NUP98: variants seen among roughly 807,000 people sequenced by gnomAD.
The protein encoded by NUP98 is nucleoporin 98 and 96 precursor.
Under a neutral mutation model 191.9 loss-of-function variants are expected in NUP98, and 26 were observed. That is an observed-to-expected ratio of 0.14 (90% CI 0.10 to 0.19). NUP98 has a LOEUF of 0.19. NUP98 is among the 10% of genes least tolerant of loss of function. The probability of loss-of-function intolerance (pLI) is 1.00; values close to 1 mark genes in which losing one functional copy is unlikely to be tolerated. For missense variants in NUP98, 1,941 were observed against 2,178.8 expected (o/e 0.89, Z 2.17); for synonymous variants, 808 against 778.4 (o/e 1.04, Z -0.63).
At chr11:3,743,297 G>A (rs568088398) in intron 12 of NUP98, among the ~76,000 whole-genome samples, 1 of 150,888 alleles carries the variant, frequency 6.6e-6, no homozygotes, top group Admixed American at 6.6e-5. Context: ...GATTATAGGC[G>A]TGGGCCACCA....
intron 4 of NUP98, among the ~76,000 whole-genome samples, chr11:3,777,492 G>T (rs1437623982): frequency 6.6e-6 from 1 of 151,832 alleles, no homozygotes; most frequent in Non-Finnish European, 1.5e-5. Context: ...GTGATGGCGG[G>T]CGCCTGTAGG....
intron 9 of NUP98, among the ~76,000 whole-genome samples, chr11:3,761,694 G>T (rs1325284932): frequency 1.3e-5 from 2 of 152,170 alleles, no homozygotes; most frequent in East Asian, 3.9e-4. Flanking sequence ...GGAGGCAGAG[G>T]TTGCAGTGAG....
chr11:3,745,732 C>A (rs561115239), intron 11 of NUP98, among the ~76,000 whole-genome samples: 22 of 152,214 alleles, frequency 1.4e-4, no homozygotes, highest in Non-Finnish European at 2.6e-4. Flanking sequence ...GAACTACAGG[C>A]ATGCATCACC....
chr11:3,760,496 G>C, intron 10 of NUP98, 43 bp downstream of exon 10: 1 of 1,614,036 alleles, frequency 6.2e-7, no homozygotes, highest in Non-Finnish European at 8.5e-7. Flanking sequence ...ACCAAAATTA[G>C]AAGTGTTTGT....
Position 3,713,979 on chromosome 11 carries a change from A to G in NUP98, c.2416T>C (p.Leu806=). Reference sequence around the variant, plus strand: ...TTATCTGTTGGCCAAACTCCATCCAATGTAACTTCAGCCTTCCTGTAAAAC... The same window carrying G: ...TTATCTGTTGGCCAAACTCCATCCAGTGTAACTTCAGCCTTCCTGTAAAAC... The part of the protein sequence containing the change: ...EGLNRKAEVT[L]DGVWPTDKTS... Residue 806 remains leucine, a synonymous_variant, in exon 19 of 33, where the codon TTG becomes CTG. Transcript: ENST00000324932. 6.2e-7 allele frequency: 1 copy of G among 1,614,012 alleles called. No homozygotes were observed. Among genetic ancestry groups the G allele is most frequent in the Non-Finnish European group, 8.5e-7 (1 of 1,179,984 alleles).
chr11:3,735,911 T>A (rs2080037183), intron 12 of NUP98, among the ~76,000 whole-genome samples: 1 of 81,190 alleles, frequency 1.2e-5, no homozygotes. Context: ...ACAAGTACTG[T>A]GTGTTTGTGC....
intron 12 of NUP98, among the ~76,000 whole-genome samples, chr11:3,737,714 A>C (rs1167857228): frequency 6.6e-6 from 1 of 152,186 alleles, no homozygotes; most frequent in Non-Finnish European, 1.5e-5. Context: ...AAATCGATGT[A>C]TTCAATAAAT....
chr11:3,789,716 C>G (rs1048506424), intron 1 of NUP98, among the ~76,000 whole-genome samples: 3 of 151,960 alleles, frequency 2.0e-5, no homozygotes, highest in African/African-American at 7.2e-5. Flanking sequence ...AGCCATCTTC[C>G]TGCTTTGGCC....
At chr11:3,734,522 T>C (rs964510507) in intron 13 of NUP98, among the ~76,000 whole-genome samples, 7 of 152,182 alleles carry the variant, frequency 4.6e-5, no homozygotes, top group African/African-American at 9.7e-5. Context: ...GAAACAAATT[T>C]AGGGAGGCAA....
intron 12 of NUP98, among the ~76,000 whole-genome samples, chr11:3,743,898 C>CA (rs1244362189): frequency 5.8e-4 from 82 of 142,328 alleles, no homozygotes; most frequent in South Asian, 4.5e-3. Context: ...CTCAAGATAC[C>CA]AAAAAAAAAA....
intron 30 of NUP98, 123 bp from the exon 31 acceptor site, chr11:3,679,831 G>A (rs1483519761): frequency 5.0e-6 from 4 of 807,178 alleles, no homozygotes; most frequent in Non-Finnish European, 7.7e-6. Context: ...AGAAGTAAAA[G>A]CACATACAGG....
At position 3,676,329 on chromosome 11, in the gene NUP98, G is replaced by A; in HGVS notation, c.5233C>T (p.His1745Tyr). 6.2e-7 allele frequency: 1 copy of A among 1,614,066 alleles called. No homozygotes were observed. Among genetic ancestry groups the A allele is most frequent in the Admixed American group, 1.7e-5 (1 of 60,022 alleles). Residue 1745 changes from histidine (H) to tyrosine (Y), a missense_variant, in exon 33 of 33, where the codon CAT (histidine) becomes TAT (tyrosine). By Grantham distance (83) the His-to-Tyr change is moderately conservative (BLOSUM62 2). Around this residue, in one of 6 missense-constraint regions of NUP98, gnomAD observed 1,030 missense variants for 1,115.8 expected, o/e 0.92. Coordinates refer to ENST00000324932, the MANE Select transcript of NUP98 (RefSeq NM_016320.5). ...ANLLRVVLSL[H>Y]HPPDRTSDST... ...TCGGAGGTTCTATCAGGAGGATGAT[G>A]CAGACTCAGCACCACGCGCAGCAGG...
chr11:3,715,818 T>C (rs951869373), intron 18 of NUP98, among the ~76,000 whole-genome samples: 22 of 151,918 alleles, frequency 1.4e-4, no homozygotes, highest in Non-Finnish European at 3.1e-4. Flanking sequence ...AGGGTCTTCC[T>C]ATTTTCTTGA....
intron 11 of NUP98, among the ~76,000 whole-genome samples, chr11:3,748,088 T>C (rs777806823): frequency 7.2e-5 from 11 of 152,198 alleles, no homozygotes; most frequent in East Asian, 1.9e-4. Context: ...AGTTTGTTTA[T>C]TGTGAGAGAG....
intron 2 of NUP98, 78 bp from the exon 3 acceptor site, chr11:3,779,335 A>G (rs527481163): frequency 1.7e-6 from 2 of 1,194,440 alleles, no homozygotes; most frequent in Non-Finnish European, 2.5e-6. Context: ...AGGCATTTTA[A>G]TATTTCTTAA....
Position 3,721,373 on chromosome 11 carries a change from T to C in NUP98, c.2147-548A>G, listed in dbSNP as rs558374681. ...GCATAAACCTCTTTTATTTTTCAAA[T>C]TTACACTCCCAAATAAAGAGCTAAA... is the stretch of plus-strand genomic sequence containing the variant. On this transcript the variant is annotated intron_variant, in intron 16 of 32. Coordinates refer to ENST00000324932, the MANE Select transcript of NUP98 (RefSeq NM_016320.5). Among the ~76,000 whole-genome samples the C allele has an allele frequency of 2.4e-4, 37 of 152,230 alleles. No homozygotes were observed. In the South Asian group the frequency reaches 6.8e-3, roughly 28 times the overall value.
rs1169695378 is a variant in NUP98 at position 3,797,410 on chromosome 11, T to G, written c.-39A>C. On this transcript the variant is annotated 5_prime_UTR_variant, in exon 1 of 33. Coordinates refer to ENST00000324932, the MANE Select transcript of NUP98 (RefSeq NM_016320.5). Reference sequence around the variant, plus strand: ...GGGCTCCCGACTTACCGCGGTTCGGTGGGGAAGGGGAAGTGTCAGGAGTCC... The same window carrying G: ...GGGCTCCCGACTTACCGCGGTTCGGGGGGGAAGGGGAAGTGTCAGGAGTCC... 7.5e-6 allele frequency: 3 copies of G among 402,444 alleles called. No individual in the cohort carries two copies. In the East Asian group the frequency reaches 1.1e-4, roughly 14 times the overall value. 24.9% of individuals were successfully genotyped at this position (402,444 alleles called of 1,614,324 possible).
intron 1 of NUP98, among the ~76,000 whole-genome samples, chr11:3,784,581 AAAAC>A (rs1564928551): frequency 3.1e-5 from 3 of 97,166 alleles, no homozygotes; most frequent in Non-Finnish European, 6.5e-5. Flanking sequence ...GTCTCTATTA[AAAAC>A]AAAAAAAAAA....
At chr11:3,719,139 T>C (rs2079297490) in intron 18 of NUP98, among the ~76,000 whole-genome samples, 2 of 150,096 alleles carry the variant, frequency 1.3e-5, no homozygotes, top group East Asian at 1.9e-4. Context: ...AAAATAATAA[T>C]AGTAAAATGA....
Sources: gnomAD v4.1 joint callset for allele counts (sites outside exome capture counted in the v4.1 genomes callset) on GRCh38, gnomAD v4.1.1 for gene constraint, gnomAD v4.1.1 regional missense constraint, MANE v1.5 for transcripts, NCBI Gene and HGNC (gene_info 2026-07-23, HGNC 2026-07-21) for gene names.